CBFA2T3: variants seen among roughly 807,000 people sequenced by gnomAD.
The protein encoded by CBFA2T3 is transcriptional corepressor CBFA2T3.
In CBFA2T3, 31 loss-of-function variants were observed where a neutral mutation model predicts 58.6. The observed-to-expected ratio is 0.53, with a 90% CI of 0.40 to 0.71. The LOEUF (loss-of-function observed/expected upper bound fraction) is 0.71, where lower values mean the gene tolerates loss of function less well. Ranked by LOEUF, CBFA2T3 falls within the 30% of genes least tolerant of loss-of-function variation. The pLI is 0.00. For synonymous variants in CBFA2T3, 531 were observed against 421.9 expected, an observed-to-expected ratio of 1.26 and a Z score of -3.17; for missense variants, 1,076 against 963.1, an observed-to-expected ratio of 1.12 and a Z score of -1.55.
intron 1 of CBFA2T3, among the ~76,000 whole-genome samples, chr16:88,966,524 T>C (rs937902931): frequency 2.0e-5 from 3 of 151,872 alleles, no homozygotes; most frequent in African/African-American, 7.3e-5. Flanking sequence ...CCAATCAACC[T>C]CTGGCCTCCC....
chr16:88,950,206 C>T (rs1361106966), intron 1 of CBFA2T3: 1 of 446,910 alleles, frequency 2.2e-6, no homozygotes, highest in East Asian at 7.2e-5. Context: ...TCACCCCTCC[C>T]CTGGACCGGC....
chr16:88,930,166 T>C (rs1257364246), intron 1 of CBFA2T3, among the ~76,000 whole-genome samples: 1 of 147,642 alleles, frequency 6.8e-6, no homozygotes, highest in African/African-American at 2.6e-5. Context: ...AGCTGCATGG[T>C]CCACGCAAAA....
intron 1 of CBFA2T3, among the ~76,000 whole-genome samples, chr16:88,907,348 C>G (rs2142677478): frequency 6.6e-6 from 1 of 152,288 alleles, no homozygotes; most frequent in South Asian, 2.1e-4. Context: ...TGGCTCAGAA[C>G]AGCACTGAGG....
intron 1 of CBFA2T3, among the ~76,000 whole-genome samples, chr16:88,954,044 G>T (rs1388977525): frequency 6.6e-6 from 1 of 152,082 alleles, no homozygotes. Context: ...TTCATGCCTG[G>T]GTGTGGTCAT....
chr16:88,951,451 T>C, intron 1 of CBFA2T3: 1 of 389,032 alleles, frequency 2.6e-6, no homozygotes. Flanking sequence ...CTGTTACCTG[T>C]ATGTTTGAAT....
At chr16:88,967,761 C>G (rs1454754633) in intron 1 of CBFA2T3, among the ~76,000 whole-genome samples, 1 of 152,206 alleles carries the variant, frequency 6.6e-6, no homozygotes, top group Non-Finnish European at 1.5e-5. Context: ...CGCACACTGC[C>G]TGGGGGCTCG....
rs1022187967 is a variant in CBFA2T3, at chr16:88,958,041, C to T, written c.151+18616G>A. On this transcript the variant is annotated intron_variant, in intron 1 of 11. Transcript: ENST00000268679. The surrounding 1 kb of genome is among the most constrained non-coding windows in gnomAD (Gnocchi z 4.0). ...CTGGAAAACCACAGTAGACCCGGAACGAAAGTACCTGTGAGCTGCTCACAA... is the reference window on the plus strand; with the variant it reads ...CTGGAAAACCACAGTAGACCCGGAATGAAAGTACCTGTGAGCTGCTCACAA... Among the ~76,000 whole-genome samples the T allele has an allele frequency of 3.3e-5, 5 of 152,194 alleles. No homozygotes were observed. Among genetic ancestry groups the T allele is most frequent in the East Asian group, 1.9e-4 (1 of 5,192 alleles).
chr16:88,974,926 C>T (rs1972761175), intron 1 of CBFA2T3, among the ~76,000 whole-genome samples: 1 of 152,190 alleles, frequency 6.6e-6, no homozygotes, highest in African/African-American at 2.4e-5. Context: ...ACTCTGCTGC[C>T]TGATGTGGCT....
At position 88,952,367 on chromosome 16, in the gene CBFA2T3, G is replaced by T. The variant is rs894401291; in HGVS notation, c.151+24290C>A. ...CGGCTTTCAGCAAGACAAATGCCCA[G>T]GCCACAGGGTGAGGGAGCTGCCGCC... On this transcript the variant is annotated intron_variant, in intron 1 of 11. Coordinates refer to ENST00000268679, the MANE Select transcript of CBFA2T3 (RefSeq NM_005187.6). 2.0e-5 allele frequency among the ~76,000 whole-genome samples: 3 copies of T among 151,164 alleles called. No individual in the cohort carries two copies. The South Asian group carries it at 6.4e-4, about 32-fold the overall frequency.
intron 1 of CBFA2T3, among the ~76,000 whole-genome samples, chr16:88,968,374 C>T (rs1157192060): frequency 6.6e-6 from 1 of 152,160 alleles, no homozygotes; most frequent in Non-Finnish European, 1.5e-5. Context: ...TGGGGACGGC[C>T]CCTTGCACTG....
Position 88,879,474 on chromosome 16 carries a change from G to C in CBFA2T3, c.1472-14C>G. ...TCACGGCCTCTTCTGCAAAGGACATGGGCAGGGCTGGCGGTCACATGGGCC... is the reference window on the plus strand; with the variant it reads ...TCACGGCCTCTTCTGCAAAGGACATCGGCAGGGCTGGCGGTCACATGGGCC... On this transcript the variant is annotated splice_polypyrimidine_tract_variant and intron_variant, in intron 10 of 11. Coordinates refer to ENST00000268679, the MANE Select transcript of CBFA2T3 (RefSeq NM_005187.6). The C allele has an allele frequency of 6.3e-7, 1 of 1,599,962 alleles. No homozygotes were observed. Among genetic ancestry groups the C allele is most frequent in the Non-Finnish European group, 8.6e-7 (1 of 1,168,988 alleles).
chr16:88,879,615 A>G, intron 10 of CBFA2T3, 155 bp from the exon 11 acceptor site: 1 of 654,608 alleles, frequency 1.5e-6, no homozygotes, highest in Non-Finnish European at 2.7e-6. Context: ...ATGGGGCTGT[A>G]GGCAGCTGAA....
chr16:88,935,615 C>T (rs1402285938), intron 1 of CBFA2T3, among the ~76,000 whole-genome samples: 1 of 152,226 alleles, frequency 6.6e-6, no homozygotes, highest in Non-Finnish European at 1.5e-5. Flanking sequence ...GGGGTCTGGG[C>T]TGTGCCAGAG....
intron 2 of CBFA2T3, among the ~76,000 whole-genome samples, chr16:88,900,182 C>G (rs76434537): frequency 0.055 from 8,432 of 152,356 alleles, 338 homozygotes; most frequent in African/African-American, 0.11. Context: ...CAGGGAGTAG[C>G]CGTTAGGCTG....
At chr16:88,954,386 GACTCC>G (rs1567632815) in intron 1 of CBFA2T3, among the ~76,000 whole-genome samples, 17 of 137,200 alleles carry the variant, frequency 1.2e-4, no homozygotes, top group African/African-American at 4.9e-4. Context: ...CCCCACCCAA[GACTCC>G]TGACCCTACC....
Position 88,892,225 on chromosome 16 carries a change from C to A in CBFA2T3, c.621+19G>T, listed in dbSNP as rs749891821. ...GAATATGCATGTCCCAAGGCCCCGG[C>A]TGTCCCTGCCCAACTCACCACCAGG... On this transcript the variant is annotated intron_variant, in intron 4 of 11. Coordinates refer to ENST00000268679, the MANE Select transcript of CBFA2T3 (RefSeq NM_005187.6). 90 of 1,601,072 alleles carry A rather than the reference C, an allele frequency of 5.6e-5. No individual in the cohort carries two copies. Among genetic ancestry groups the A allele is most frequent in the Admixed American group, 1.0e-4 (6 of 59,690 alleles).
At chr16:88,969,638 G>T (rs531728112) in intron 1 of CBFA2T3, among the ~76,000 whole-genome samples, 2 of 152,256 alleles carry the variant, frequency 1.3e-5, no homozygotes, top group Admixed American at 6.5e-5. Context: ...CGAGGGAGAG[G>T]GGGGCGGGGC....
chr16:88,886,298 TC>T (rs1969371236), intron 5 of CBFA2T3, 156 bp from the exon 6 acceptor site: 1 of 353,548 alleles, frequency 2.8e-6, no homozygotes, highest in African/African-American at 2.2e-5. Context: ...TCAAGTTCCT[TC>T]CTAGCAGTGC....
chr16:88,931,744 G>A (rs1452972931), intron 1 of CBFA2T3, among the ~76,000 whole-genome samples: 2 of 152,182 alleles, frequency 1.3e-5, no homozygotes, highest in Non-Finnish European at 2.9e-5. Flanking sequence ...CCAGTCCTGG[G>A]GCAGCATGGT....
Sources: allele counts gnomAD v4.1 joint callset (sites outside exome capture counted in the v4.1 genomes callset), GRCh38; gene constraint gnomAD v4.1.1; non-coding constraint Gnocchi (gnomAD v3.1); transcripts MANE v1.5; gene names NCBI Gene and HGNC (gene_info 2026-07-23, HGNC 2026-07-21).